Variants in ARHGAP4 observed in about 807,000 individuals in gnomAD.
The protein encoded by ARHGAP4 is Rho GTPase activating protein 4, also known as rho GTPase-activating protein 4.
In ARHGAP4, 25 loss-of-function variants were observed where a neutral mutation model predicts 67.6. The observed-to-expected ratio is 0.37, with a 90% CI of 0.27 to 0.52. The LOEUF (loss-of-function observed/expected upper bound fraction) is 0.52, where lower values mean the gene tolerates loss of function less well. Ranked by LOEUF, ARHGAP4 falls within the 20% of genes least tolerant of loss-of-function variation. The pLI is 0.92. For missense variants in ARHGAP4, 804 were observed against 854.6 expected (o/e 0.94, Z 0.74); for synonymous variants, 448 against 373.7 (o/e 1.20, Z -2.29).
intron 1 of ARHGAP4, among the ~76,000 whole-genome samples, chrX:153,924,025 CG>C (rs1343011130): frequency 8.9e-6 from 1 of 111,783 alleles, no homozygotes; most frequent in Non-Finnish European, 1.9e-5. Context: ...GTGATCCGCC[CG>C]CCTCGGCCTC....
At chrX:153,916,624 T>C (rs1488800796) in intron 7 of ARHGAP4, among the ~76,000 whole-genome samples, 1 of 113,085 alleles carries the variant, frequency 8.8e-6, no homozygotes, top group Non-Finnish European at 1.9e-5. Context: ...GGGGTATGTG[T>C]TCAGGCCTCT....
Position 153,907,431 on chromosome X carries a change from G to A in ARHGAP4, c.*298C>T, listed in dbSNP as rs1405427639. 6.1e-6 allele frequency: 2 copies of A among 326,565 alleles called. No individual in the cohort carries two copies. Among genetic ancestry groups the A allele is most frequent in the African/African-American group, 5.2e-5 (2 of 38,102 alleles). The allele number at this position is 326,565 out of a possible 1,213,427, so 26.9% of individuals were successfully genotyped here. ...CGCCACCCAGCCCTGCCAGGCATCT[G>A]AGCAAGGGTACCCGCCACCCAGCAG... is the stretch of plus-strand genomic sequence containing the variant. On this transcript the variant is annotated 3_prime_UTR_variant, in exon 22 of 22. Coordinates refer to ENST00000350060, the MANE Select transcript of ARHGAP4 (RefSeq NM_001666.5).
In ARHGAP4 at chrX:153,919,797, T is replaced by A. The variant is rs1173689851; in HGVS notation, c.682-514A>T. The A allele has an allele frequency of 1.4e-5, 12 of 855,325 alleles. 1 individual carries two copies. The highest frequency in any genetic ancestry group is 7.4e-5 in the South Asian group (2 of 26,884). 70.5% of individuals were successfully genotyped at this position (855,325 alleles called of 1,213,427 possible). A position where few individuals can be genotyped will look rare whatever the true frequency, so the allele number is the denominator to read the frequency against. On this transcript the variant is annotated intron_variant, in intron 5 of 21. Transcript: ENST00000350060. ...TGGCACTCTATTTTTTTTTTATTTT[T>A]TTTTTTTGAGACAGAGTCTCGCTCT...
At chrX:153,922,064 G>A in intron 1 of ARHGAP4, 1 of 995,638 alleles carries the variant, frequency 1.0e-6, no homozygotes, top group Non-Finnish European at 1.3e-6. Context: ...ACCCGGTTGA[G>A]GGGGAAGGGG....
Position 153,907,801 on chromosome X carries a change from C to A in ARHGAP4, c.2769G>T (p.Arg923=), listed in dbSNP as rs782163988. 3 of 1,010,290 alleles carry A rather than the reference C, an allele frequency of 3.0e-6. No individual in the cohort carries two copies. The highest frequency in any genetic ancestry group is 8.3e-5 in the South Asian group (2 of 24,002). 83.3% of individuals were successfully genotyped at this position (1,010,290 alleles called of 1,213,427 possible). A position where few individuals can be genotyped will look rare whatever the true frequency, so the allele number is the denominator to read the frequency against. ...AGGGTGAGGCTGGGGCCCCAGGGCC[C>A]CGGGAGAAGCCTTTGTTCCTGCCCA... The part of the protein sequence containing the change: ...SRLGRNKGFS[R]GPGAPASPSA... Residue 923 remains arginine, a synonymous_variant, in exon 22 of 22, where the codon CGG becomes CGT. Transcript: ENST00000350060.
chrX:153,915,269 G>C (rs976669746), intron 7 of ARHGAP4, among the ~76,000 whole-genome samples: 8 of 112,038 alleles, frequency 7.1e-5, no homozygotes, highest in African/African-American at 2.3e-4. Flanking sequence ...CAGAGCTTCA[G>C]TTTGGGAAGA....
intron 12 of ARHGAP4, among the ~76,000 whole-genome samples, chrX:153,912,164 G>T (rs2065026042): frequency 9.5e-6 from 1 of 105,820 alleles, no homozygotes; most frequent in South Asian, 4.3e-4. Context: ...TGGGATTACA[G>T]GCACGTGCCA....
Position 153,913,294 on chromosome X carries a change from C to T in ARHGAP4, c.1335G>A (p.Gln445=). The stretch of plus-strand genomic sequence containing the variant: ...GGATGCTCCGTCCACTCAGATACTC[C>T]TGGAGCTTCTGGGCAGCCCCAAGAA... The part of the protein sequence containing the change: ...ETETFYLTKL[Q]EYLSGRSILA... Residue 445 remains glutamine, a synonymous_variant, in exon 10 of 22, where the codon CAG becomes CAA. Transcript: ENST00000350060. 8.5e-7 allele frequency: 1 copy of T among 1,181,969 alleles called. No homozygotes were observed. The highest frequency in any genetic ancestry group is 1.7e-5 in the African/African-American group (1 of 57,192).
rs781987107 is a variant in ARHGAP4 at position 153,910,780 on chromosome X, C to A, written c.1736G>T (p.Gly579Val). 1 of 1,191,827 alleles carries A rather than the reference C, an allele frequency of 8.4e-7. No homozygotes were observed. Among genetic ancestry groups the A allele is most frequent in the East Asian group, 3.0e-5 (1 of 33,189 alleles). Reference protein sequence around the residue: ...CTAHDLDSVAGVLKLYFRSLE... With the variant: ...CTAHDLDSVAVVLKLYFRSLE... ...GCTCCGGAAGTAGAGCTTCAGCACCCCGGCCACCGAGTCCAGGTCATGGGC... is the reference window on the plus strand; with the variant it reads ...GCTCCGGAAGTAGAGCTTCAGCACCACGGCCACCGAGTCCAGGTCATGGGC... Residue 579 changes from glycine to valine, a missense_variant, in exon 15 of 22, where the codon GGG becomes GTG. Gly to Val is a moderately radical substitution (Grantham distance 109, BLOSUM62 -3). Around this residue, in one of 2 missense-constraint regions of ARHGAP4, gnomAD observed 400 missense variants for 348.7 expected, o/e 1.15. Transcript: ENST00000350060.
intron 1 of ARHGAP4, among the ~76,000 whole-genome samples, chrX:153,923,271 C>T (rs144626737): frequency 0.036 from 3,991 of 111,281 alleles, 173 homozygotes; most frequent in African/African-American, 0.11. Flanking sequence ...GGGAGGACTC[C>T]GCTGAGAAGA....
In ARHGAP4 at chrX:153,909,811, C is replaced by G. The variant is rs782386436; in HGVS notation, c.2344G>C (p.Asp782His). The G allele has an allele frequency of 1.0e-4, 120 of 1,201,238 alleles. No homozygotes were observed. The highest frequency in any genetic ancestry group is 1.3e-4 in the Non-Finnish European group (112 of 891,387). The change falls in exon 19 of 22, where the codon GAC (aspartate) becomes CAC (histidine). Residue 782 changes from aspartate to histidine, a missense_variant. Transcript: ENST00000350060. ...VLRLHERASSDWWRGEHNGMR... is the reference protein window; with the variant it reads ...VLRLHERASSHWWRGEHNGMR... ...CCGTTGTGCTCCCCCCGCCACCAGTCGCTCGAGGCCCTCTCGTGCAGCCGC... is the reference window on the plus strand; with the variant it reads ...CCGTTGTGCTCCCCCCGCCACCAGTGGCTCGAGGCCCTCTCGTGCAGCCGC...
chrX:153,910,464 G>A (rs782536470), intron 16 of ARHGAP4, 42 bp downstream of exon 16: 96 of 552,673 alleles, frequency 1.7e-4, no homozygotes, highest in Admixed American at 1.0e-3. Context: ...CTGTCCCCTC[G>A]ACCCCTGGCC....
intron 1 of ARHGAP4, 148 bp downstream of exon 1, chrX:153,925,988 A>G: frequency 1.2e-6 from 1 of 805,591 alleles, no homozygotes; most frequent in East Asian, 4.4e-5. Context: ...GGAGGCAGGC[A>G]AGGGGCTCAG....
Position 153,909,726 on chromosome X carries a change from G to A in ARHGAP4, c.2414+15C>T. 1 of 1,177,206 alleles carries A rather than the reference G, an allele frequency of 8.5e-7. No individual in the cohort carries two copies. Among genetic ancestry groups the A allele is most frequent in the South Asian group, 1.9e-5 (1 of 51,673 alleles). On this transcript the variant is annotated intron_variant, in intron 19 of 21. Transcript: ENST00000350060. Reference sequence around the variant, plus strand: ...ACTCCGGGAGCCCTGGGGCCTGAGGGCGCGGCTCACTCACCCGGCGGGCAG... The same window carrying A: ...ACTCCGGGAGCCCTGGGGCCTGAGGACGCGGCTCACTCACCCGGCGGGCAG...
rs3213441 is a variant in ARHGAP4, at chrX:153,911,120, C to T, written c.1603+9G>A. 6.0e-6 allele frequency: 7 copies of T among 1,169,573 alleles called. 1 individual carries two copies. The East Asian group carries it at 1.6e-4, about 27-fold the overall frequency. ...GCCAGGACATCGGGAGGGGCTGGGT[C>T]CTGCTTACCATTGAGGTTGATGAAG... On this transcript the variant is annotated intron_variant, in intron 13 of 21. Transcript: ENST00000350060.
Position 153,919,170 on chromosome X carries a change from G to A in ARHGAP4, c.795C>T (p.Val265=), listed in dbSNP as rs782391069. The A allele has an allele frequency of 1.4e-5, 17 of 1,212,317 alleles. No individual in the cohort carries two copies. The highest frequency in any genetic ancestry group is 2.2e-5 in the Admixed American group (1 of 46,121). Residue 265 remains valine (V), a synonymous_variant, in exon 6 of 22, where the codon GTC becomes GTT. Transcript: ENST00000350060. ...AAVSNYYLHD[V]LDLMDCCDTG... is the part of the protein sequence containing the mutation. The stretch of plus-strand genomic sequence containing the variant: ...AAGGACTCACGTCCATGAGGTCCAA[G>A]ACGTCATGCAGGTAGTAGTTACTGA...
rs374827115 is a variant in ARHGAP4, at chrX:153,921,098, G to A, written c.497C>T (p.Thr166Met). Residue 166 changes from threonine to methionine, a missense_variant and splice_region_variant, in exon 4 of 22, where the codon ACG (threonine) becomes ATG (methionine). Coordinates refer to ENST00000350060, the MANE Select transcript of ARHGAP4 (RefSeq NM_001666.5). Reference protein sequence around the residue: ...ELLEVVSELQTAKKTYQAYHM... With the variant: ...ELLEVVSELQMAKKTYQAYHM... Reference sequence around the variant, plus strand: ...GCCCCTCCCCAGCCCTTTCCTCACCGTCTGGAGCTCTGAGACCACCTCCAG... The same window carrying A: ...GCCCCTCCCCAGCCCTTTCCTCACCATCTGGAGCTCTGAGACCACCTCCAG... The A allele has an allele frequency of 3.9e-5, 47 of 1,201,315 alleles. No individual in the cohort carries two copies. The African/African-American group carries it at 4.4e-4, about 11-fold the overall frequency.
Position 153,921,539 on chromosome X carries a change from G to T in ARHGAP4, c.273-12C>A. 2 of 1,198,137 alleles carry T rather than the reference G, an allele frequency of 1.7e-6. No homozygotes were observed. The highest frequency in any genetic ancestry group is 3.0e-5 in the East Asian group (1 of 33,591). ...GGGACGGCTCCTTCCTGGGGGTAGA[G>T]GGGCACTGAGACCTGGGAGCGGAGC... On this transcript the variant is annotated splice_polypyrimidine_tract_variant and intron_variant, in intron 2 of 21. Transcript: ENST00000350060.
chrX:153,917,865 C>A (rs1413960762), intron 7 of ARHGAP4, among the ~76,000 whole-genome samples: 2 of 112,569 alleles, frequency 1.8e-5, no homozygotes, highest in Admixed American at 1.9e-4. Flanking sequence ...AAGAAAGCTG[C>A]TGCCGTGGAA....
Sources: allele counts gnomAD v4.1 joint callset (sites outside exome capture counted in the v4.1 genomes callset), GRCh38; gene constraint gnomAD v4.1.1; regional missense constraint gnomAD v4.1.1; transcripts MANE v1.5; gene names NCBI Gene and HGNC (gene_info 2026-07-23, HGNC 2026-07-21).